PRKD1: variants seen among roughly 807,000 people sequenced by gnomAD.
PRKD1 encodes protein kinase D1.
PRKD1 carries 63 observed loss-of-function variants against 95.9 expected under a neutral mutation model. The observed-to-expected ratio is 0.66, with a 90% CI of 0.54 to 0.81. The LOEUF is 0.81. PRKD1 is among the 30% of genes least tolerant of loss of function. The probability of loss-of-function intolerance (pLI) is 0.00; values close to 1 mark genes in which losing one functional copy is unlikely to be tolerated. For synonymous variants in PRKD1, 425 were observed against 423.1 expected (o/e 1.00, Z -0.05); for missense variants, 1,048 against 1,165.3 (o/e 0.90, Z 1.47).
At chr14:29,593,255 A>G (rs10140311) in intron 16 of PRKD1, among the ~76,000 whole-genome samples, 2,039 of 152,166 alleles carry the variant, frequency 0.013, 40 homozygotes, top group African/African-American at 0.045. Context: ...TACTATCTCC[A>G]TTTTACTGGA....
At chr14:29,797,763 G>T (rs1226610492) in intron 1 of PRKD1, among the ~76,000 whole-genome samples, 1 of 152,134 alleles carries the variant, frequency 6.6e-6, no homozygotes, top group Non-Finnish European at 1.5e-5. Context: ...AACCTGCCCA[G>T]CTACCATGAC....
intron 1 of PRKD1, among the ~76,000 whole-genome samples, chr14:29,793,913 G>A (rs1413090898): frequency 1.3e-5 from 2 of 151,930 alleles, no homozygotes; most frequent in Non-Finnish European, 2.9e-5. Flanking sequence ...TCTGAACATA[G>A]CAATTCATGA....
chr14:29,751,091 T>C (rs1224952945), intron 1 of PRKD1: 4 of 152,184 alleles, frequency 2.6e-5, no homozygotes, highest in Non-Finnish European at 5.9e-5. Flanking sequence ...AACCAGGCTA[T>C]GCAAATTAAA....
At chr14:29,800,431 G>T (rs1426395554) in intron 1 of PRKD1, among the ~76,000 whole-genome samples, 1 of 152,242 alleles carries the variant, frequency 6.6e-6, no homozygotes, top group African/African-American at 2.4e-5. Flanking sequence ...GGTTTTATTG[G>T]TGGGTTAACT....
At chr14:29,581,384 T>C (rs908178077) in intron 16 of PRKD1, among the ~76,000 whole-genome samples, 1 of 152,170 alleles carries the variant, frequency 6.6e-6, no homozygotes, top group South Asian at 2.1e-4. Context: ...TTTTAAAAAA[T>C]TACATTCATA....
At chr14:29,682,270 A>T (rs570199217) in intron 2 of PRKD1, among the ~76,000 whole-genome samples, 1 of 152,334 alleles carries the variant, frequency 6.6e-6, no homozygotes, top group African/African-American at 2.4e-5. Flanking sequence ...TTTACTTAGC[A>T]TCAGTTACAG....
chr14:29,826,690 CATATATATACATATATACACAT>C (rs1891150656), intron 1 of PRKD1, among the ~76,000 whole-genome samples: 5 of 35,082 alleles, frequency 1.4e-4, no homozygotes, highest in South Asian at 1.1e-3. Flanking sequence ...TATATACACA[CATATATATACATATATACACAT>C]ATATATATAC....
At chr14:29,630,065 C>CT (rs1394979496) in intron 10 of PRKD1, among the ~76,000 whole-genome samples, 6 of 148,872 alleles carry the variant, frequency 4.0e-5, no homozygotes, top group Non-Finnish European at 7.4e-5. Context: ...TGCTCTTTCT[C>CT]TTCCTCTTCC....
At chr14:29,597,442 TAAAC>T (rs762097566) in intron 16 of PRKD1, 45 bp downstream of exon 16, 3 of 1,452,924 alleles carry the variant, frequency 2.1e-6, no homozygotes, top group Non-Finnish European at 2.8e-6. Flanking sequence ...ATTAATAACA[TAAAC>T]AAATAAGGAT....
At position 29,927,408 on chromosome 14, in the gene PRKD1, G is replaced by C. The variant is rs200093824; in HGVS notation, c.105C>G (p.Pro35=). 1.3e-6 allele frequency: 2 copies of C among 1,503,710 alleles called. No individual in the cohort carries two copies. The highest frequency in any genetic ancestry group is 1.2e-5 in the South Asian group (1 of 80,598). The allele number at this position is 1,503,710 out of a possible 1,614,324, so 93.1% of individuals were successfully genotyped here. A position where few individuals can be genotyped will look rare whatever the true frequency, so the allele number is the denominator to read the frequency against. ...AALVPGSGPG[P]APFLAPVAAP... is the part of the protein sequence containing the mutation. ...CCGCGACAGGAGCCAAGAACGGCGC[G>C]GGCCCGGGCCCGGACCCTGGGACCA... The change falls in exon 1 of 18, where the codon CCC becomes CCG. Residue 35 remains proline, a synonymous_variant. Coordinates refer to ENST00000331968, the MANE Select transcript of PRKD1 (RefSeq NM_002742.3).
chr14:29,700,785 C>T (rs1884786220), intron 2 of PRKD1, among the ~76,000 whole-genome samples: 2 of 152,130 alleles, frequency 1.3e-5, no homozygotes, highest in African/African-American at 2.4e-5. Flanking sequence ...CTGACCTCCC[C>T]TGAAGAAGAG....
At chr14:29,609,713 T>TC (rs759912493) in intron 13 of PRKD1, among the ~76,000 whole-genome samples, 850 of 17,578 alleles carry the variant, frequency 0.048, 34 homozygotes, top group South Asian at 0.14. Context: ...GCTATTTCTT[T>TC]ATTTTTTTTT....
chr14:29,609,676 GACT>G (rs890429439), intron 13 of PRKD1, among the ~76,000 whole-genome samples: 1 of 150,328 alleles, frequency 6.7e-6, no homozygotes, highest in African/African-American at 2.4e-5. Context: ...AAGTAGCTGG[GACT>G]ACAGGCAAGC....
At chr14:29,825,527 T>TA (rs34606821) in intron 1 of PRKD1, among the ~76,000 whole-genome samples, 51,237 of 151,862 alleles carry the variant, frequency 0.34, 10,035 homozygotes, top group Middle Eastern at 0.47. Context: ...GTAAAGTAGA[T>TA]ACTTGCCACT....
At chr14:29,649,932 G>C (rs1350408907) in intron 4 of PRKD1, among the ~76,000 whole-genome samples, 1 of 152,144 alleles carries the variant, frequency 6.6e-6, no homozygotes, top group Non-Finnish European at 1.5e-5. Flanking sequence ...CCTCTACTAA[G>C]AGACCTGTAG....
intron 13 of PRKD1, among the ~76,000 whole-genome samples, chr14:29,623,679 C>T (rs2333612): frequency 0.97 from 147,460 of 152,264 alleles, 71,450 homozygotes; most frequent in Middle Eastern, 0.98. Context: ...GTGACAATGC[C>T]CGATGTCAAA....
intron 1 of PRKD1, among the ~76,000 whole-genome samples, chr14:29,894,534 T>C (rs1475602496): frequency 1.3e-5 from 2 of 152,208 alleles, no homozygotes; most frequent in African/African-American, 2.4e-5. Context: ...TGCAGCATGA[T>C]TTAATGAGAC....
chr14:29,925,312 T>A (rs764105113), intron 1 of PRKD1, among the ~76,000 whole-genome samples: 24 of 152,200 alleles, frequency 1.6e-4, no homozygotes, highest in Non-Finnish European at 2.6e-4. Flanking sequence ...ATTTTTGGCA[T>A]TCTAAAACCT....
rs1880568586 is a variant in PRKD1 at position 29,638,912 on chromosome 14, T to C, written c.697-8A>G. ...CTCTGATGGTGATTTTTGCTACATT[T>C]TGGAAAACAATAAAGGAAGCAAGAT... On this transcript the variant is annotated splice_region_variant and splice_polypyrimidine_tract_variant and intron_variant, in intron 4 of 17. Coordinates refer to ENST00000331968, the MANE Select transcript of PRKD1 (RefSeq NM_002742.3). The C allele has an allele frequency of 1.2e-6, 2 of 1,612,598 alleles. No homozygotes were observed. The highest frequency in any genetic ancestry group is 1.7e-6 in the Non-Finnish European group (2 of 1,178,736).
Sources: gnomAD v4.1 joint callset for allele counts (sites outside exome capture counted in the v4.1 genomes callset) on GRCh38, gnomAD v4.1.1 for gene constraint, MANE v1.5 for transcripts, NCBI Gene and HGNC (gene_info 2026-07-23, HGNC 2026-07-21) for gene names.